ASAP2: variants seen among roughly 807,000 people sequenced by gnomAD.
ASAP2 encodes ArfGAP with SH3 domain, ankyrin repeat and PH domain 2.
ASAP2 carries 45 observed loss-of-function variants against 131.4 expected under a neutral mutation model. The ratio of observed to expected loss-of-function variants is 0.34; its 90% CI spans 0.27 to 0.44. The LOEUF (loss-of-function observed/expected upper bound fraction) is 0.44, where lower values mean the gene tolerates loss of function less well. Ranked by LOEUF, ASAP2 falls within the 20% of genes least tolerant of loss-of-function variation. The pLI, the probability that ASAP2 is intolerant of heterozygous loss-of-function variation, is 1.00. For synonymous variants in ASAP2, 510 were observed against 503.0 expected (o/e 1.01, Z -0.19); for missense variants, 1,011 against 1,297.0 (o/e 0.78, Z 3.39).
rs994816046 is a variant in ASAP2 at position 9,394,444 on chromosome 2, G to C, written c.2684+797G>C. Among the ~76,000 whole-genome samples, 5 of 152,188 alleles carry C rather than the reference G, an allele frequency of 3.3e-5. No individual in the cohort carries two copies. In the East Asian group the frequency reaches 9.6e-4, roughly 29 times the overall value. On this transcript the variant is annotated intron_variant, in intron 24 of 27. Coordinates refer to ENST00000281419, the MANE Select transcript of ASAP2 (RefSeq NM_003887.3). ...CTCCCAAAGTGCTGGGATTACAGGCGTGAGCCACTGCACCAGGCCCCAGTT... is the reference window on the plus strand; with the variant it reads ...CTCCCAAAGTGCTGGGATTACAGGCCTGAGCCACTGCACCAGGCCCCAGTT...
At chr2:9,266,015 C>T (rs535357411) in intron 1 of ASAP2, among the ~76,000 whole-genome samples, 6 of 145,096 alleles carry the variant, frequency 4.1e-5, no homozygotes, top group Non-Finnish European at 4.7e-5. Flanking sequence ...CTCAAGTGAT[C>T]CACCCCCCCA....
intron 1 of ASAP2, among the ~76,000 whole-genome samples, chr2:9,264,291 A>G (rs1489967453): frequency 6.6e-6 from 1 of 152,170 alleles, no homozygotes; most frequent in Non-Finnish European, 1.5e-5. Context: ...ATATTTTAGT[A>G]TTTGGCCTTG....
At chr2:9,397,250 C>T (rs934956022) in intron 24 of ASAP2, among the ~76,000 whole-genome samples, 2 of 152,156 alleles carry the variant, frequency 1.3e-5, no homozygotes, top group African/African-American at 2.4e-5. Context: ...GCTAAGGAGC[C>T]GTCAGCTCCC....
Position 9,317,046 on chromosome 2 carries a change from A to G in ASAP2, c.346-1478A>G, listed in dbSNP as rs545768348. Among the ~76,000 whole-genome samples, 5 of 147,244 alleles carry G rather than the reference A, an allele frequency of 3.4e-5. No individual in the cohort carries two copies. In the East Asian group the frequency reaches 9.9e-4, roughly 29 times the overall value. ...AACATGCAATCATTCCCAATCACTC[A>G]CATCCACACTCCACACAACCACACA... On this transcript the variant is annotated intron_variant, in intron 3 of 27. Transcript: ENST00000281419.
At position 9,389,767 on chromosome 2, in the gene ASAP2, C is replaced by G. The variant is rs1675572609; in HGVS notation, c.2383+1221C>G. 6.6e-6 allele frequency among the ~76,000 whole-genome samples: 1 copy of G among 152,226 alleles called. No individual in the cohort carries two copies. Among genetic ancestry groups the G allele is most frequent in the Non-Finnish European group, 1.5e-5 (1 of 68,040 alleles). On this transcript the variant is annotated intron_variant, in intron 22 of 27. Coordinates refer to ENST00000281419, the MANE Select transcript of ASAP2 (RefSeq NM_003887.3). This position sits in a 1 kb window ranked among gnomAD's most constrained non-coding sequence, Gnocchi z 4.7. ...CTGCTTGCTGTCCCCACACAGCCCACATCCCAGACCGCGTCCATCCCTGGC... is the reference window on the plus strand; with the variant it reads ...CTGCTTGCTGTCCCCACACAGCCCAGATCCCAGACCGCGTCCATCCCTGGC...
At chr2:9,290,943 CCCA>C (rs1667769608) in intron 2 of ASAP2, among the ~76,000 whole-genome samples, 1 of 152,180 alleles carries the variant, frequency 6.6e-6, no homozygotes, top group African/African-American at 2.4e-5. Flanking sequence ...CTCAGTTTTC[CCCA>C]CCACTGTTAG....
intron 1 of ASAP2, among the ~76,000 whole-genome samples, chr2:9,210,245 G>T (rs2147925928): frequency 1.3e-5 from 2 of 152,334 alleles, no homozygotes; most frequent in Middle Eastern, 6.8e-3. Flanking sequence ...CTGGGTTCAA[G>T]TTCAGGCTCT....
chr2:9,318,247 A>G (rs182880570), intron 3 of ASAP2, among the ~76,000 whole-genome samples: 2 of 152,296 alleles, frequency 1.3e-5, no homozygotes, highest in Admixed American at 1.3e-4. Flanking sequence ...TTTTTTCTTC[A>G]CTGCAATGAT....
Position 9,389,867 on chromosome 2 carries a change from C to A in ASAP2, c.2384-1195C>A, listed in dbSNP as rs1675582210. On this transcript the variant is annotated intron_variant, in intron 22 of 27. Coordinates refer to ENST00000281419, the MANE Select transcript of ASAP2 (RefSeq NM_003887.3). This position sits in a 1 kb window ranked among gnomAD's most constrained non-coding sequence, Gnocchi z 4.7. ...ACAGTCGCATCTCCTCCCTGTCAAA[C>A]CCCCAGGCTGGCTGGTCGGGGCCCA... Among the ~76,000 whole-genome samples the A allele has an allele frequency of 1.3e-5, 2 of 152,164 alleles. No individual in the cohort carries two copies. The highest frequency in any genetic ancestry group is 4.8e-5 in the African/African-American group (2 of 41,438).
rs76238372 is a variant in ASAP2, at chr2:9,366,124, G to A, written c.1462-2301G>A. Among the ~76,000 whole-genome samples, 703 of 152,174 alleles carry A rather than the reference G, an allele frequency of 4.6e-3. 4 individuals are homozygous for A. The highest frequency in any genetic ancestry group is 0.016 in the African/African-American group (670 of 41,512). ...TGCAAATGCTTTGCTTTTGTCGATG[G>A]GTCTGGAGGGGTTCTCTATGGGCTG... On this transcript the variant is annotated intron_variant, in intron 15 of 27. Coordinates refer to ENST00000281419, the MANE Select transcript of ASAP2 (RefSeq NM_003887.3).
chr2:9,267,494 C>T (rs1235034623), intron 1 of ASAP2, among the ~76,000 whole-genome samples: 4 of 152,062 alleles, frequency 2.6e-5, no homozygotes, highest in East Asian at 1.9e-4. Context: ...TTTATGGCTG[C>T]GTCATATTCC....
chr2:9,351,989 A>G (rs1672364770), intron 12 of ASAP2, among the ~76,000 whole-genome samples: 1 of 152,212 alleles, frequency 6.6e-6, no homozygotes, highest in African/African-American at 2.4e-5. Flanking sequence ...TCAGTCTAGT[A>G]AGGTCCACAG....
At chr2:9,326,106 C>T (rs2148523967) in intron 6 of ASAP2, among the ~76,000 whole-genome samples, 1 of 152,258 alleles carries the variant, frequency 6.6e-6, no homozygotes, top group South Asian at 2.1e-4. Context: ...AAAGGCCGGG[C>T]AGGGTGGCTC....
chr2:9,247,080 G>A (rs149950856), intron 1 of ASAP2, among the ~76,000 whole-genome samples: 6 of 152,200 alleles, frequency 3.9e-5, no homozygotes, highest in African/African-American at 1.4e-4. Flanking sequence ...CATGCAGTCT[G>A]CCTGCCTTAG....
Position 9,238,229 on chromosome 2 carries a change from T to C in ASAP2, c.126+30999T>C, listed in dbSNP as rs141972913. 5.4e-4 allele frequency among the ~76,000 whole-genome samples: 83 copies of C among 152,330 alleles called. 1 individual carries two copies. The East Asian group carries it at 0.015, about 27-fold the overall frequency. ...ATGCTGGTTCCTTGTATTTGTTCTG[T>C]TTTTAAAACCTCAGCTCCTCTAGTC... On this transcript the variant is annotated intron_variant, in intron 1 of 27. Transcript: ENST00000281419.
chr2:9,269,504 C>A (rs1178175767), intron 1 of ASAP2, among the ~76,000 whole-genome samples: 4 of 152,038 alleles, frequency 2.6e-5, no homozygotes. Flanking sequence ...CTGTGGGGGA[C>A]CAAGAAGAGG....
chr2:9,250,708 T>C (rs1317593072), intron 1 of ASAP2, among the ~76,000 whole-genome samples: 1 of 152,202 alleles, frequency 6.6e-6, no homozygotes, highest in Non-Finnish European at 1.5e-5. Context: ...GAGCTCTGAA[T>C]CAGAGCCAGG....
chr2:9,307,822 A>G (rs759903612), intron 3 of ASAP2, among the ~76,000 whole-genome samples: 6 of 152,190 alleles, frequency 3.9e-5, no homozygotes, highest in Non-Finnish European at 8.8e-5. Context: ...TAGGATCAGC[A>G]TGGGCTCCCC....
At chr2:9,272,074 C>A (rs993876876) in intron 1 of ASAP2, among the ~76,000 whole-genome samples, 1 of 152,138 alleles carries the variant, frequency 6.6e-6, no homozygotes, top group Non-Finnish European at 1.5e-5. Flanking sequence ...GGTATGTACA[C>A]AGCAGTGGAA....
Sources: allele counts gnomAD v4.1 joint callset (sites outside exome capture counted in the v4.1 genomes callset), GRCh38; gene constraint gnomAD v4.1.1; non-coding constraint Gnocchi (gnomAD v3.1); transcripts MANE v1.5; gene names NCBI Gene and HGNC (gene_info 2026-07-23, HGNC 2026-07-21).